HSDL2: variants seen among roughly 807,000 people sequenced by gnomAD.
The protein encoded by HSDL2 is hydroxysteroid dehydrogenase like 2.
Under a neutral mutation model 46.3 loss-of-function variants are expected in HSDL2, and 27 were observed. That is an observed-to-expected ratio of 0.58 (90% CI 0.43 to 0.80). The LOEUF is 0.80. Ranked by LOEUF, HSDL2 falls within the 30% of genes least tolerant of loss-of-function variation. The probability of loss-of-function intolerance (pLI) is 0.00; values close to 1 mark genes in which losing one functional copy is unlikely to be tolerated. For missense variants in HSDL2, 451 were observed against 502.7 expected (o/e 0.90, Z 0.98); for synonymous variants, 153 against 163.6 (o/e 0.94, Z 0.50).
chr9:112,423,982 G>A (rs1021838906), intron 6 of HSDL2, among the ~76,000 whole-genome samples: 5 of 151,740 alleles, frequency 3.3e-5, no homozygotes, highest in Non-Finnish European at 7.4e-5. Flanking sequence ...CCAAAGTGCT[G>A]GGATTACAAG....
chr9:112,450,940 T>C (rs1297127343), intron 8 of HSDL2, among the ~76,000 whole-genome samples: 2 of 152,136 alleles, frequency 1.3e-5, no homozygotes, highest in Non-Finnish European at 1.5e-5. Context: ...TGGTATCTCA[T>C]GTCTGTAATC....
intron 6 of HSDL2, among the ~76,000 whole-genome samples, chr9:112,426,812 A>G (rs1832256552): frequency 6.6e-6 from 1 of 152,214 alleles, no homozygotes; most frequent in African/African-American, 2.4e-5. Flanking sequence ...ATATAAAATT[A>G]GGTATTATAA....
chr9:112,442,745 AT>A (rs567587188), intron 8 of HSDL2, among the ~76,000 whole-genome samples: 64 of 147,552 alleles, frequency 4.3e-4, no homozygotes, highest in African/African-American at 5.9e-4. Flanking sequence ...ACTCTCATCG[AT>A]TTTTTTTTTT....
intron 6 of HSDL2, among the ~76,000 whole-genome samples, chr9:112,423,262 T>C (rs780019230): frequency 6.6e-6 from 1 of 152,234 alleles, no homozygotes; most frequent in Non-Finnish European, 1.5e-5. Context: ...AGTTTAATAA[T>C]TGTCTCTAGC....
chr9:112,409,017 C>T lies in HSDL2; in HGVS notation c.391C>T (p.Leu131Phe). Residue 131 changes from leucine to phenylalanine, a missense_variant, in exon 4 of 11, where the codon CTT becomes TTT. Transcript: ENST00000398805. Reference protein sequence around the residue: ...MMNVNTRGTYLASKACIPYLK... With the variant: ...MMNVNTRGTYFASKACIPYLK... ...GAACGTGAACACCAGAGGCACCTAC[C>T]TTGCGTAAGTTTGCAAGAAGAGTTG... The T allele has an allele frequency of 6.3e-7, 1 of 1,578,722 alleles. No individual in the cohort carries two copies. Among genetic ancestry groups the T allele is most frequent in the Non-Finnish European group, 8.7e-7 (1 of 1,151,580 alleles).
At chr9:112,454,246 A>C (rs928707055) in intron 9 of HSDL2, 84 bp downstream of exon 9, 1 of 1,098,602 alleles carries the variant, frequency 9.1e-7, no homozygotes, top group Non-Finnish European at 1.3e-6. Context: ...TCCAACAGTG[A>C]TCCCCTGGAT....
intron 6 of HSDL2, among the ~76,000 whole-genome samples, chr9:112,432,647 A>G (rs1197760998): frequency 1.3e-5 from 2 of 152,190 alleles, no homozygotes; most frequent in Non-Finnish European, 2.9e-5. Flanking sequence ...TTCATTTTAG[A>G]AGGTTTACTA....
At chr9:112,394,537 A>C (rs1203466739) in intron 1 of HSDL2, among the ~76,000 whole-genome samples, 1 of 152,206 alleles carries the variant, frequency 6.6e-6, no homozygotes, top group East Asian at 1.9e-4. Flanking sequence ...GAGTTAACAC[A>C]ATCTTCCTAA....
At chr9:112,406,177 A>G (rs1420087146) in intron 3 of HSDL2, among the ~76,000 whole-genome samples, 2 of 151,834 alleles carry the variant, frequency 1.3e-5, no homozygotes, top group Non-Finnish European at 2.9e-5. Flanking sequence ...AAAAAAAAAA[A>G]AAAGAAAAAG....
intron 1 of HSDL2, among the ~76,000 whole-genome samples, chr9:112,391,416 A>G (rs1831341405): frequency 6.6e-6 from 1 of 152,004 alleles, no homozygotes. Flanking sequence ...GGTTATACTG[A>G]GTTGTGATTC....
Position 112,385,646 on chromosome 9 carries a change from C to T in HSDL2, c.17+5466C>T, listed in dbSNP as rs945661764. Among the ~76,000 whole-genome samples the T allele has an allele frequency of 2.6e-5, 4 of 152,046 alleles. No individual in the cohort carries two copies. The East Asian group carries it at 5.8e-4, about 22-fold the overall frequency. On this transcript the variant is annotated intron_variant, in intron 1 of 10. Transcript: ENST00000398805. ...AGATTACAGGCACCTGCCACCACGCCTGGCCGATTTTTTTTTTTTTGTATT... is the reference window on the plus strand; with the variant it reads ...AGATTACAGGCACCTGCCACCACGCTTGGCCGATTTTTTTTTTTTTGTATT...
chr9:112,469,876 C>T (rs998919289), intron 10 of HSDL2: 1 of 152,106 alleles, frequency 6.6e-6, no homozygotes, highest in African/African-American at 2.4e-5. Context: ...TACTTCTCTC[C>T]ATGGAGCTCA....
chr9:112,438,406 ATGTG>A, intron 6 of HSDL2, 21 bp from the exon 7 acceptor site: 2 of 1,434,574 alleles, frequency 1.4e-6, no homozygotes, highest in Non-Finnish European at 1.9e-6. Flanking sequence ...TTATGAGTGT[ATGTG>A]TGTGTGTGTT....
intron 10 of HSDL2, among the ~76,000 whole-genome samples, chr9:112,466,248 T>G (rs1448275857): frequency 1.3e-5 from 2 of 152,186 alleles, no homozygotes; most frequent in African/African-American, 4.8e-5. Flanking sequence ...TATTTGTCTT[T>G]TATTATTCAG....
At chr9:112,460,971 C>T (rs1385057484) in intron 10 of HSDL2, among the ~76,000 whole-genome samples, 1 of 152,074 alleles carries the variant, frequency 6.6e-6, no homozygotes, top group Non-Finnish European at 1.5e-5. Flanking sequence ...TATAAATATA[C>T]ATGTGTGCTT....
At chr9:112,414,804 A>G (rs1473634537) in intron 4 of HSDL2, among the ~76,000 whole-genome samples, 1 of 152,198 alleles carries the variant, frequency 6.6e-6, no homozygotes, top group Non-Finnish European at 1.5e-5. Flanking sequence ...TGAAAACAGT[A>G]TCTACCAAAA....
chr9:112,417,641 GA>G, intron 5 of HSDL2, among the ~76,000 whole-genome samples: 1 of 152,194 alleles, frequency 6.6e-6, no homozygotes, highest in Middle Eastern at 3.4e-3. Context: ...CTAACATTTG[GA>G]AAGGCACTTG....
chr9:112,427,061 A>G (rs1045736556), intron 6 of HSDL2, among the ~76,000 whole-genome samples: 1 of 151,996 alleles, frequency 6.6e-6, no homozygotes, highest in Admixed American at 6.6e-5. Flanking sequence ...TTAATTGATT[A>G]ATTATTTTTT....
intron 6 of HSDL2, among the ~76,000 whole-genome samples, chr9:112,431,517 C>T (rs1372912817): frequency 6.6e-6 from 1 of 152,008 alleles, no homozygotes; most frequent in Non-Finnish European, 1.5e-5. Context: ...TTGTCTCCAC[C>T]CAAATCTCAT....
Sources: allele counts gnomAD v4.1 joint callset (sites outside exome capture counted in the v4.1 genomes callset), GRCh38; gene constraint gnomAD v4.1.1; transcripts MANE v1.5; gene names NCBI Gene and HGNC (gene_info 2026-07-23, HGNC 2026-07-21).